MYLK: variants seen among roughly 807,000 people sequenced by gnomAD.
MYLK encodes the protein myosin light chain kinase.
Under a neutral mutation model 203.4 loss-of-function variants are expected in MYLK, and 106 were observed. The observed-to-expected ratio is 0.52, with a 90% CI of 0.45 to 0.61. The LOEUF is 0.61. Ranked by LOEUF, MYLK falls within the 20% of genes least tolerant of loss-of-function variation. MYLK has a pLI of 0.00. For missense variants in MYLK, 2,072 were observed against 2,442.3 expected, an observed-to-expected ratio of 0.85 and a Z score of 3.20; for synonymous variants, 867 against 959.5, an observed-to-expected ratio of 0.90 and a Z score of 1.78.
At chr3:123,880,455 G>A (rs770447265) in intron 1 of MYLK, among the ~76,000 whole-genome samples, 6 of 152,138 alleles carry the variant, frequency 3.9e-5, no homozygotes, top group South Asian at 2.1e-4. Context: ...AGATCTGAGC[G>A]CCCAGAGCCA....
intron 24 of MYLK, among the ~76,000 whole-genome samples, chr3:123,650,950 G>A (rs1378512085): frequency 6.6e-6 from 1 of 152,192 alleles, no homozygotes; most frequent in Non-Finnish European, 1.5e-5. Context: ...AGGGCAAAGT[G>A]TGCATGGGCC....
chr3:123,620,450 C>G lies in MYLK; in HGVS notation c.5239-114G>C, dbSNP rs2057792496. The G allele has an allele frequency of 1.9e-6, 3 of 1,590,952 alleles. No individual in the cohort carries two copies. In the South Asian group the frequency reaches 3.3e-5, roughly 18 times the overall value. On this transcript the variant is annotated intron_variant, in intron 31 of 33. Coordinates refer to ENST00000360304, the MANE Select transcript of MYLK (RefSeq NM_053025.4). ...CCAGAGAAGCAGCTGTTCCCTGGAA[C>G]AAGGACCTCCTGAGAGCCGAGGTTC...
chr3:123,773,407 A>G lies in MYLK; in HGVS notation c.165+20270T>C, dbSNP rs188544934. 5.3e-3 allele frequency among the ~76,000 whole-genome samples: 814 copies of G among 152,370 alleles called. 6 individuals carry two copies. The highest frequency in any genetic ancestry group is 0.041 in the Middle Eastern group (12 of 294). ...AGGAACACGTTTTACTTTCATGAAC[A>G]GTAAAAAAATTTAAAAATTTTACTT... is the stretch of plus-strand genomic sequence containing the variant. On this transcript the variant is annotated intron_variant, in intron 4 of 33. Coordinates refer to ENST00000360304, the MANE Select transcript of MYLK (RefSeq NM_053025.4).
chr3:123,694,603 T>C (rs1354573596), intron 18 of MYLK, among the ~76,000 whole-genome samples: 5 of 152,240 alleles, frequency 3.3e-5, no homozygotes, highest in Admixed American at 1.3e-4. Flanking sequence ...ACGCACATCC[T>C]GTTCAAATCC....
chr3:123,659,119 T>C (rs2059483226), intron 23 of MYLK, among the ~76,000 whole-genome samples: 1 of 152,194 alleles, frequency 6.6e-6, no homozygotes. Flanking sequence ...TGTTTATTAC[T>C]CTAAACTCTC....
chr3:123,644,148 A>G (rs541326056), intron 27 of MYLK, among the ~76,000 whole-genome samples: 2 of 152,308 alleles, frequency 1.3e-5, no homozygotes, highest in East Asian at 1.9e-4. Flanking sequence ...ATACATTTCC[A>G]TTATTCTATC....
intron 2 of MYLK, among the ~76,000 whole-genome samples, chr3:123,875,350 T>G (rs2033083903): frequency 6.6e-6 from 1 of 152,154 alleles, no homozygotes; most frequent in Admixed American, 6.6e-5. Flanking sequence ...TAATGCTAAG[T>G]GAAAGCAGGC....
intron 4 of MYLK, among the ~76,000 whole-genome samples, chr3:123,761,712 A>G (rs2063540339): frequency 6.6e-6 from 1 of 152,172 alleles, no homozygotes; most frequent in East Asian, 1.9e-4. Context: ...GGCTAAAAAA[A>G]CCCAGATCTT....
At chr3:123,827,443 G>A (rs2066157254) in intron 3 of MYLK, among the ~76,000 whole-genome samples, 1 of 151,644 alleles carries the variant, frequency 6.6e-6, no homozygotes, top group Admixed American at 6.6e-5. Context: ...ATCTCTATTA[G>A]ACTAACAGGA....
chr3:123,854,213 C>G (rs529172329), intron 2 of MYLK, among the ~76,000 whole-genome samples: 3 of 151,054 alleles, frequency 2.0e-5, no homozygotes, highest in East Asian at 1.9e-4. Context: ...ATTGCCCAAC[C>G]AACCCAAAGA....
intron 2 of MYLK, among the ~76,000 whole-genome samples, chr3:123,853,736 T>C (rs944597384): frequency 6.6e-6 from 1 of 152,104 alleles, no homozygotes; most frequent in African/African-American, 2.4e-5. Context: ...AACCTGATGC[T>C]ATAAATAAGA....
chr3:123,618,335 G>T (rs1263078400), intron 33 of MYLK: 1 of 386,160 alleles, frequency 2.6e-6, no homozygotes, highest in Non-Finnish European at 4.9e-6. Context: ...CACTAAGCAT[G>T]TTCCAAAGCC....
chr3:123,775,776 A>C (rs1185322329), intron 4 of MYLK, among the ~76,000 whole-genome samples: 3 of 152,190 alleles, frequency 2.0e-5, no homozygotes, highest in Non-Finnish European at 2.9e-5. Context: ...TCTTAGCTTG[A>C]AATTTAATGA....
intron 3 of MYLK, among the ~76,000 whole-genome samples, chr3:123,820,560 G>A (rs1479030416): frequency 2.6e-5 from 4 of 152,026 alleles, no homozygotes; most frequent in African/African-American, 7.3e-5. Context: ...GCATGATAAA[G>A]TCTAGCTTGC....
intron 2 of MYLK, among the ~76,000 whole-genome samples, chr3:123,832,919 C>A (rs2148627836): frequency 6.6e-6 from 1 of 152,260 alleles, no homozygotes; most frequent in East Asian, 1.9e-4. Context: ...CTGAAAACGT[C>A]CTTACACAAT....
In MYLK at chr3:123,738,673, G is replaced by A. The variant is rs147017913; in HGVS notation, c.588+224C>T. ...TCATGTGATCTGATGGTTTTATAAA[G>A]AGGAGTTCCCCTGCACATGCTCTCT... is the stretch of plus-strand genomic sequence containing the variant. On this transcript the variant is annotated intron_variant, in intron 7 of 33. Coordinates refer to ENST00000360304, the MANE Select transcript of MYLK (RefSeq NM_053025.4). Among the ~76,000 whole-genome samples the A allele has an allele frequency of 4.1e-3, 629 of 152,294 alleles. 11 individuals carry two copies. The highest frequency in any genetic ancestry group is 0.015 in the African/African-American group (608 of 41,562).
At chr3:123,877,656 AT>A (rs1265036408) in intron 1 of MYLK, among the ~76,000 whole-genome samples, 1 of 152,228 alleles carries the variant, frequency 6.6e-6, no homozygotes, top group African/African-American at 2.4e-5. Context: ...GGAGCTTTTG[AT>A]AGTAATCAGA....
In MYLK at chr3:123,641,220, C is replaced by CT. The variant is rs551773258; in HGVS notation, c.4620-717dup. 6.1e-3 allele frequency among the ~76,000 whole-genome samples: 933 copies of CT among 152,308 alleles called. 8 individuals carry two copies. The highest frequency in any genetic ancestry group is 0.022 in the African/African-American group (910 of 41,574). ...GCTTCTGCAGCCACAGGCATGCATCCTCTGCTAGGGACTGCCCCGGGGTCT... is the reference window on the plus strand; with the variant it reads ...GCTTCTGCAGCCACAGGCATGCATCCTTCTGCTAGGGACTGCCCCGGGGTCT... On this transcript the variant is annotated intron_variant, in intron 27 of 33. Coordinates refer to ENST00000360304, the MANE Select transcript of MYLK (RefSeq NM_053025.4).
chr3:123,658,833 A>G (rs2059473391), intron 23 of MYLK, among the ~76,000 whole-genome samples: 1 of 152,042 alleles, frequency 6.6e-6, no homozygotes, highest in Non-Finnish European at 1.5e-5. Flanking sequence ...GAGTATATAT[A>G]CTCATACTCA....
Sources: allele counts gnomAD v4.1 joint callset (sites outside exome capture counted in the v4.1 genomes callset), GRCh38; gene constraint gnomAD v4.1.1; transcripts MANE v1.5; gene names NCBI Gene and HGNC (gene_info 2026-07-23, HGNC 2026-07-21).